Variants in ZRANB1 observed in about 807,000 individuals in gnomAD.
ZRANB1 encodes zinc finger RANBP2-type containing 1.
ZRANB1 carries 16 observed loss-of-function variants against 80.5 expected under a neutral mutation model. The observed-to-expected ratio is 0.20, with a 90% CI of 0.13 to 0.30. The LOEUF (loss-of-function observed/expected upper bound fraction) is 0.30, where lower values mean the gene tolerates loss of function less well. Among genes scored for constraint, ZRANB1 ranks in the 10% least tolerant of loss-of-function variants. ZRANB1 has a pLI of 1.00. For synonymous variants in ZRANB1, 291 were observed against 293.1 expected, an observed-to-expected ratio of 0.99 and a Z score of 0.07; for missense variants, 576 against 862.6, an observed-to-expected ratio of 0.67 and a Z score of 4.16.
chr10:124,960,397 G>A (rs1951723254), intron 1 of ZRANB1, among the ~76,000 whole-genome samples: 1 of 152,124 alleles, frequency 6.6e-6, no homozygotes, highest in Admixed American at 6.5e-5. Context: ...AATAAATTAT[G>A]AAAGTTTTTC....
In ZRANB1 at chr10:124,983,260, A is replaced by G; in HGVS notation, c.1634A>G (p.Tyr545Cys). 2.5e-6 allele frequency: 4 copies of G among 1,614,152 alleles called. No homozygotes were observed. The highest frequency in any genetic ancestry group is 3.4e-6 in the Non-Finnish European group (4 of 1,179,992). ...RPIIVYGVKY[Y>C]KSFRGETLGY... ...ATTATAGTTTATGGAGTAAAATATT[A>G]CAAGAGTTTCCGGGGAGAAACTTTA... Residue 545 changes from tyrosine to cysteine, a missense_variant, in exon 7 of 9, where the codon TAC becomes TGC. By Grantham distance (194) the Tyr-to-Cys change is radical. Transcript: ENST00000359653. This position sits in a 1 kb window ranked among gnomAD's most constrained non-coding sequence, Gnocchi z 6.2.
intron 3 of ZRANB1, 31 bp downstream of exon 3, chr10:124,972,149 T>C: frequency 6.3e-7 from 1 of 1,597,234 alleles, no homozygotes; most frequent in Non-Finnish European, 8.5e-7. Flanking sequence ...AAAAAGACTT[T>C]TTTATTTTAT....
At chr10:124,946,556 T>A (rs1448141965) in intron 1 of ZRANB1, 1 of 152,202 alleles carries the variant, frequency 6.6e-6, no homozygotes, top group Non-Finnish European at 1.5e-5. Flanking sequence ...TCTAGATTCT[T>A]AGGGGCAAGG....
rs1289374451 is a variant in ZRANB1 at position 124,987,663 on chromosome 10, C to T, written c.*2671C>T. On this transcript the variant is annotated 3_prime_UTR_variant, in exon 9 of 9. Transcript: ENST00000359653. ...CTCCATGTGAGCTTGTGTTAATAGACACTTTTATGGTAGAGTTGGGATGGG... is the reference window on the plus strand; with the variant it reads ...CTCCATGTGAGCTTGTGTTAATAGATACTTTTATGGTAGAGTTGGGATGGG... 1 of 152,140 alleles carries T rather than the reference C, an allele frequency of 6.6e-6. No homozygotes were observed. Among genetic ancestry groups the T allele is most frequent in the Non-Finnish European group, 1.5e-5 (1 of 68,034 alleles). The allele number at this position is 152,140 out of a possible 1,614,324, so 9.4% of individuals were successfully genotyped here.
chr10:124,987,807 G>A lies in ZRANB1; in HGVS notation c.*2815G>A, dbSNP rs1346884371. On this transcript the variant is annotated 3_prime_UTR_variant, in exon 9 of 9. Transcript: ENST00000359653. ...AAGTATAAGGAAGAGCTCAGAGGGA[G>A]TTTCATACCTGGAATTGTTGGACTT... The A allele has an allele frequency of 2.6e-5, 4 of 152,184 alleles. No homozygotes were observed. Among genetic ancestry groups the A allele is most frequent in the Non-Finnish European group, 5.9e-5 (4 of 68,028 alleles). The allele number at this position is 152,184 out of a possible 1,614,324, so 9.4% of individuals were successfully genotyped here. A position where few individuals can be genotyped will look rare whatever the true frequency, so the allele number is the denominator to read the frequency against.
In ZRANB1 at chr10:124,971,973, A is replaced by G. The variant is rs1220581194; in HGVS notation, c.1011A>G (p.Gln337=). ...TTTCTTTTGTATTTAAGGTGTCTCAACAAGCAGCAAAGTGTATTCCAGCAA... is the reference window on the plus strand; with the variant it reads ...TTTCTTTTGTATTTAAGGTGTCTCAGCAAGCAGCAAAGTGTATTCCAGCAA... The part of the protein sequence containing the change: ...MLAILLTEVS[Q]QAAKCIPAMV... Residue 337 remains glutamine (Q), a synonymous_variant, in exon 3 of 9, where the codon CAA becomes CAG. Coordinates refer to ENST00000359653, the MANE Select transcript of ZRANB1 (RefSeq NM_017580.3). The G allele has an allele frequency of 1.3e-6, 2 of 1,595,394 alleles. No individual in the cohort carries two copies. Among genetic ancestry groups the G allele is most frequent in the Non-Finnish European group, 1.7e-6 (2 of 1,171,906 alleles).
intron 1 of ZRANB1, among the ~76,000 whole-genome samples, chr10:124,964,646 T>TGATCA (rs1367894980): frequency 6.6e-6 from 1 of 152,224 alleles, no homozygotes; most frequent in African/African-American, 2.4e-5. Flanking sequence ...TCAGCTAAAT[T>TGATCA]GATCAGACTC....
At chr10:124,944,529 AG>A (rs1438676606) in intron 1 of ZRANB1, among the ~76,000 whole-genome samples, 3 of 108,054 alleles carry the variant, frequency 2.8e-5, no homozygotes, top group African/African-American at 1.1e-4. Context: ...TCTGTCACCC[AG>A]GCTAGAGGGC....
intron 5 of ZRANB1, 113 bp from the exon 6 acceptor site, chr10:124,981,596 T>C (rs903213112): frequency 7.9e-6 from 8 of 1,009,230 alleles, no homozygotes; most frequent in Non-Finnish European, 6.9e-6. Flanking sequence ...AATAAAATTA[T>C]TAATTGTTTC....
chr10:124,970,257 T>G (rs149226207), intron 2 of ZRANB1, among the ~76,000 whole-genome samples: 37 of 152,240 alleles, frequency 2.4e-4, no homozygotes, highest in African/African-American at 8.4e-4. Flanking sequence ...CGTAGGAGTT[T>G]TTAAATTTTT....
At chr10:124,931,844 A>G in the ZRANB1 span, among the ~76,000 whole-genome samples, 2 of 152,198 alleles carry the variant, frequency 1.3e-5, no homozygotes, top group East Asian at 3.9e-4. Context: ...AATCACCCAA[A>G]GTACATAATT....
In ZRANB1 at chr10:124,942,448, T is replaced by C; in HGVS notation, c.-46T>C. 6.2e-7 allele frequency: 1 copy of C among 1,608,644 alleles called. No homozygotes were observed. Among genetic ancestry groups the C allele is most frequent in the Non-Finnish European group, 8.5e-7 (1 of 1,176,052 alleles). ...GTTATTTTAATAACCATGTCCTAAT[T>C]ATTTATAGCTTCCTGCCTGACACAG... On this transcript the variant is annotated 5_prime_UTR_variant, in exon 1 of 9. Coordinates refer to ENST00000359653, the MANE Select transcript of ZRANB1 (RefSeq NM_017580.3).
At chr10:124,954,462 T>G (rs1016076975) in intron 1 of ZRANB1, among the ~76,000 whole-genome samples, 2 of 151,374 alleles carry the variant, frequency 1.3e-5, no homozygotes, top group African/African-American at 4.9e-5. Flanking sequence ...TTTTTTTTTT[T>G]TTGGAAACAG....
intron 1 of ZRANB1, among the ~76,000 whole-genome samples, chr10:124,953,006 C>T (rs887980153): frequency 6.6e-6 from 1 of 152,076 alleles, no homozygotes; most frequent in African/African-American, 2.4e-5. Flanking sequence ...CTGACTGCAA[C>T]CTCTGCCTCC....
At chr10:124,965,550 A>G (rs1369581148) in intron 1 of ZRANB1, among the ~76,000 whole-genome samples, 1 of 152,222 alleles carries the variant, frequency 6.6e-6, no homozygotes, top group African/African-American at 2.4e-5. Flanking sequence ...ATTCTAAGGA[A>G]TATGTCTGAT....
Position 124,983,453 on chromosome 10 carries a change from T to C in ZRANB1, c.1679-6T>C, listed in dbSNP as rs769979093. 4.4e-6 allele frequency: 7 copies of C among 1,607,782 alleles called. No individual in the cohort carries two copies. In the South Asian group the frequency reaches 7.7e-5, roughly 18 times the overall value. Reference sequence around the variant, plus strand: ...ACTGTTGGGATTTTCTTCCCTCTCTTTCCAGGTGTTTATCTGCCTTTGTTG... The same window carrying C: ...ACTGTTGGGATTTTCTTCCCTCTCTCTCCAGGTGTTTATCTGCCTTTGTTG... On this transcript the variant is annotated splice_polypyrimidine_tract_variant and splice_region_variant and intron_variant, in intron 7 of 8. Coordinates refer to ENST00000359653, the MANE Select transcript of ZRANB1 (RefSeq NM_017580.3). The surrounding 1 kb of genome is among the most constrained non-coding windows in gnomAD (Gnocchi z 6.2).
At chr10:124,923,056 A>G in the ZRANB1 span, among the ~76,000 whole-genome samples, 1 of 152,060 alleles carries the variant, frequency 6.6e-6, no homozygotes, top group Non-Finnish European at 1.5e-5. Context: ...TAGGAGGCCT[A>G]GGCGGGTAGA....
the ZRANB1 span, among the ~76,000 whole-genome samples, chr10:124,936,497 A>T: frequency 6.6e-6 from 1 of 152,158 alleles, no homozygotes; most frequent in Admixed American, 6.6e-5. Context: ...GTGAGAAGAA[A>T]ATAAGGGGTT....
chr10:124,984,841 G>A lies in ZRANB1; in HGVS notation c.1976G>A (p.Gly659Glu). ...EWLDCCVTEG[G>E]VLVAMQKSSR... ...CTGGACTGCTGTGTGACGGAGGGGGGAGTTCTGGTTGCCATGCAGAAGAGT... is the reference window on the plus strand; with the variant it reads ...CTGGACTGCTGTGTGACGGAGGGGGAAGTTCTGGTTGCCATGCAGAAGAGT... The change falls in exon 9 of 9, where the codon GGA becomes GAA. Residue 659 changes from glycine (G) to glutamate (E), a missense_variant. Transcript: ENST00000359653. The A allele has an allele frequency of 6.2e-7, 1 of 1,614,000 alleles. No homozygotes were observed. The highest frequency in any genetic ancestry group is 8.5e-7 in the Non-Finnish European group (1 of 1,180,002).
Sources: allele counts gnomAD v4.1 joint callset (sites outside exome capture counted in the v4.1 genomes callset), GRCh38; gene constraint gnomAD v4.1.1; non-coding constraint Gnocchi (gnomAD v3.1); transcripts MANE v1.5; gene names NCBI Gene and HGNC (gene_info 2026-07-23, HGNC 2026-07-21).